MCHR2: variants seen among roughly 807,000 people sequenced by gnomAD.
MCHR2 encodes the protein melanin-concentrating hormone receptor 2.
Under a neutral mutation model 24.8 loss-of-function variants are expected in MCHR2, and 15 were observed. The observed-to-expected ratio is 0.60, with a 90% CI of 0.40 to 0.93. MCHR2 has a LOEUF of 0.93. Ranked by LOEUF, MCHR2 falls within the 40% of genes least tolerant of loss-of-function variation. The pLI is 0.00. For missense variants in MCHR2, 386 were observed against 408.7 expected (o/e 0.94, Z 0.48); for synonymous variants, 151 against 147.6 (o/e 1.02, Z -0.17).
intron 5 of MCHR2, among the ~76,000 whole-genome samples, chr6:99,930,526 CTTTG>C (rs1326491883): frequency 6.6e-6 from 1 of 152,136 alleles, no homozygotes; most frequent in Non-Finnish European, 1.5e-5. Context: ...TTCTTGGAGG[CTTTG>C]TTCGTTTCTT....
intron 2 of MCHR2, among the ~76,000 whole-genome samples, chr6:99,954,082 C>T (rs1350325303): frequency 6.6e-6 from 1 of 152,036 alleles, no homozygotes; most frequent in Admixed American, 6.6e-5. Context: ...TGTGAGGATT[C>T]TTTTATCTTT....
intron 2 of MCHR2, among the ~76,000 whole-genome samples, chr6:99,949,330 A>C (rs974260607): frequency 1.3e-5 from 2 of 152,166 alleles, no homozygotes; most frequent in African/African-American, 4.8e-5. Context: ...GACAAGAAGC[A>C]CAAAGAAGGG....
At chr6:99,927,847 G>T (rs1275336734) in intron 5 of MCHR2, among the ~76,000 whole-genome samples, 1 of 151,968 alleles carries the variant, frequency 6.6e-6, no homozygotes, top group East Asian at 1.9e-4. Context: ...CTGCATAATT[G>T]CCCTGGCCAG....
intron 1 of MCHR2, among the ~76,000 whole-genome samples, chr6:99,957,194 C>T (rs921402143): frequency 6.6e-6 from 1 of 152,028 alleles, no homozygotes; most frequent in African/African-American, 2.4e-5. Flanking sequence ...GGGTCCAGGG[C>T]CTACTGAGGC....
intron 5 of MCHR2, among the ~76,000 whole-genome samples, chr6:99,924,895 T>C (rs1004122031): frequency 6.6e-6 from 1 of 152,144 alleles, no homozygotes; most frequent in African/African-American, 2.4e-5. Context: ...TGAGATGTCC[T>C]GTAAATATAT....
At chr6:99,971,993 G>A (rs1186864564) in intron 1 of MCHR2, among the ~76,000 whole-genome samples, 5 of 152,218 alleles carry the variant, frequency 3.3e-5, no homozygotes, top group African/African-American at 1.2e-4. Flanking sequence ...TTGCATCAAT[G>A]TTCATCAAGG....
At chr6:99,932,269 G>T (rs1483638178) in intron 5 of MCHR2, among the ~76,000 whole-genome samples, 1 of 152,172 alleles carries the variant, frequency 6.6e-6, no homozygotes, top group Non-Finnish European at 1.5e-5. Flanking sequence ...GACTCAATGT[G>T]TGAAAGAAAC....
At chr6:99,985,589 T>C in intron 1 of MCHR2, among the ~76,000 whole-genome samples, 1 of 152,130 alleles carries the variant, frequency 6.6e-6, no homozygotes, top group East Asian at 1.9e-4. Context: ...GTACACCCTA[T>C]TAAATAAATG....
intron 4 of MCHR2, among the ~76,000 whole-genome samples, chr6:99,936,544 C>T (rs556137369): frequency 6.6e-6 from 1 of 151,788 alleles, no homozygotes; most frequent in African/African-American, 2.4e-5. Context: ...CTGTTCCATT[C>T]GTCAATGTGT....
At chr6:99,986,687 C>T (rs983732988) in intron 1 of MCHR2, among the ~76,000 whole-genome samples, 8 of 151,694 alleles carry the variant, frequency 5.3e-5, no homozygotes, top group Middle Eastern at 3.4e-3. Context: ...AGGTGGGAGG[C>T]GGGTGAGGGA....
At chr6:99,937,492 A>C (rs1304506773) in intron 4 of MCHR2, among the ~76,000 whole-genome samples, 2 of 151,988 alleles carry the variant, frequency 1.3e-5, no homozygotes, top group East Asian at 3.9e-4. Context: ...GGTGCTGTTA[A>C]TGTGATGTAT....
chr6:99,925,940 C>T (rs979977999), intron 5 of MCHR2, among the ~76,000 whole-genome samples: 1 of 151,554 alleles, frequency 6.6e-6, no homozygotes, highest in Admixed American at 6.6e-5. Flanking sequence ...CCCATTAACT[C>T]GTCATTTAGC....
chr6:99,950,844 T>C (rs1774951516), intron 2 of MCHR2, among the ~76,000 whole-genome samples: 1 of 152,146 alleles, frequency 6.6e-6, no homozygotes, highest in Non-Finnish European at 1.5e-5. Flanking sequence ...TAACAACATA[T>C]GATATGAATT....
At chr6:99,988,302 A>G (rs1044532701) in intron 1 of MCHR2, among the ~76,000 whole-genome samples, 3 of 152,196 alleles carry the variant, frequency 2.0e-5, no homozygotes, top group African/African-American at 7.2e-5. Context: ...AGCTATCCTC[A>G]GTATACAAAT....
At chr6:99,965,474 T>A (rs1197030319) in intron 1 of MCHR2, among the ~76,000 whole-genome samples, 3 of 152,188 alleles carry the variant, frequency 2.0e-5, no homozygotes, top group Non-Finnish European at 1.5e-5. Flanking sequence ...ACATATTCAG[T>A]TAGTTACCTC....
rs202077183 is a variant in MCHR2, at chr6:99,920,866, G to A, written c.*74C>T. 5.6e-6 allele frequency: 8 copies of A among 1,434,486 alleles called. No homozygotes were observed. The African/African-American group carries it at 1.1e-4, about 20-fold the overall frequency. The allele number at this position is 1,434,486 out of a possible 1,614,324, so 88.9% of individuals were successfully genotyped here. On this transcript the variant is annotated 3_prime_UTR_variant, in exon 6 of 6. Transcript: ENST00000281806. Reference sequence around the variant, plus strand: ...AAGAAGAATGGGCATAAACATATCGGTACACCTGCCCTTTCTGATAATACC... The same window carrying A: ...AAGAAGAATGGGCATAAACATATCGATACACCTGCCCTTTCTGATAATACC...
At chr6:99,978,770 A>G (rs1212188541) in intron 1 of MCHR2, among the ~76,000 whole-genome samples, 1 of 152,086 alleles carries the variant, frequency 6.6e-6, no homozygotes, top group Non-Finnish European at 1.5e-5. Context: ...CTGAAAGAGG[A>G]TAGCATGTTG....
Position 99,947,911 on chromosome 6 carries a change from G to A in MCHR2, c.243C>T (p.Val81=). 6.2e-7 allele frequency: 1 copy of A among 1,613,704 alleles called. No individual in the cohort carries two copies. The highest frequency in any genetic ancestry group is 1.3e-5 in the African/African-American group (1 of 74,986). The change falls in exon 3 of 6, where the codon GTC becomes GTT. Residue 81 remains valine, a synonymous_variant. Coordinates refer to ENST00000281806, the MANE Select transcript of MCHR2 (RefSeq NM_001040179.2). ...TAAGAAAAGGCATTCCAACTATGTG[G>A]ACCAAATCAGCCACAGCCAGGTTGC... is the stretch of plus-strand genomic sequence containing the variant. ...YICNLAVADL[V]HIVGMPFLIH...
rs1433316874 is a variant in MCHR2 at position 99,920,930 on chromosome 6, A to ATG, written c.*8_*9dup. ...ATCATGTCTAGACTCATGGTGATCCATGTACTTTCCTAAAAGTGTGATTTC... is the reference window on the plus strand; with the variant it reads ...ATCATGTCTAGACTCATGGTGATCCATGTGTACTTTCCTAAAAGTGTGATTTC... On this transcript the variant is annotated 3_prime_UTR_variant, in exon 6 of 6. Transcript: ENST00000281806. The ATG allele has an allele frequency of 6.2e-7, 1 of 1,612,106 alleles. No individual in the cohort carries two copies. The highest frequency in any genetic ancestry group is 8.5e-7 in the Non-Finnish European group (1 of 1,178,862).
Sources: gnomAD v4.1 joint callset for allele counts (sites outside exome capture counted in the v4.1 genomes callset) on GRCh38, gnomAD v4.1.1 for gene constraint, MANE v1.5 for transcripts, NCBI Gene and HGNC (gene_info 2026-07-23, HGNC 2026-07-21) for gene names.